The following TMEM116 variants were observed in gnomAD, a reference collection of about 807,000 sequenced individuals.
The protein encoded by TMEM116 is transmembrane protein 116.
In TMEM116, 38 loss-of-function variants were observed where a neutral mutation model predicts 44.3. The ratio of observed to expected loss-of-function variants is 0.86; its 90% CI spans 0.66 to 1.12. The LOEUF (loss-of-function observed/expected upper bound fraction) is 1.12, where lower values mean the gene tolerates loss of function less well. TMEM116 is among the 50% of genes most tolerant of loss of function. The pLI is 0.00. For synonymous variants in TMEM116, 132 were observed against 144.8 expected, an observed-to-expected ratio of 0.91 and a Z score of 0.64; for missense variants, 354 against 401.7, an observed-to-expected ratio of 0.88 and a Z score of 1.01.
At position 111,971,057 on chromosome 12, in the gene TMEM116, G is replaced by A. The variant is rs11066106; in HGVS notation, c.210+20701C>T. 0.055 allele frequency among the ~76,000 whole-genome samples: 8,428 copies of A among 152,114 alleles called. 1,296 individuals carry two copies. The East Asian group carries it at 0.61, about 11-fold the overall frequency. The stretch of plus-strand genomic sequence containing the variant: ...AAAATACTGAACTTCTGTCAACCTC[G>A]AATTCTATACCTAGCAAATATACTT... On this transcript the variant is annotated intron_variant, in intron 4 of 10. Transcript: ENST00000552374.
intron 1 of TMEM116, chr12:112,005,875 G>T (rs935197571): frequency 5.3e-6 from 5 of 939,702 alleles, no homozygotes; most frequent in Non-Finnish European, 6.3e-6. Context: ...AAAAGAGATT[G>T]TGAGTGAAAA....
chr12:111,942,721 A>C (rs2072938167), intron 5 of TMEM116, among the ~76,000 whole-genome samples: 1 of 152,140 alleles, frequency 6.6e-6, no homozygotes, highest in African/African-American at 2.4e-5. Context: ...ACCAGGCAGG[A>C]ATGCCAGCAC....
chr12:112,005,700 G>C, intron 1 of TMEM116: 1 of 985,178 alleles, frequency 1.0e-6, no homozygotes, highest in Non-Finnish European at 1.2e-6. Context: ...ATAAAAGGAA[G>C]AACAAAATGT....
intron 4 of TMEM116, among the ~76,000 whole-genome samples, chr12:111,969,088 C>CGGGG (rs746551511): frequency 3.3e-5 from 5 of 150,444 alleles, no homozygotes; most frequent in Admixed American, 6.6e-5. Flanking sequence ...TGGGAGGCCA[C>CGGGG]GGCGGGTGGA....
chr12:111,991,465 A>C (rs1430863176), intron 4 of TMEM116, among the ~76,000 whole-genome samples: 2 of 151,146 alleles, frequency 1.3e-5, no homozygotes, highest in Non-Finnish European at 2.9e-5. Flanking sequence ...CAGAGCTTGC[A>C]GTGAGCCGAG....
chr12:111,957,261 G>A (rs1044074776), intron 4 of TMEM116, among the ~76,000 whole-genome samples: 2 of 151,854 alleles, frequency 1.3e-5, no homozygotes, highest in Non-Finnish European at 2.9e-5. Flanking sequence ...GATGTGAAGA[G>A]TGCCTCTGCC....
intron 4 of TMEM116, among the ~76,000 whole-genome samples, chr12:111,990,147 T>A (rs1201094905): frequency 2.0e-5 from 3 of 151,384 alleles, no homozygotes; most frequent in African/African-American, 7.3e-5. Flanking sequence ...CCCAGCTACT[T>A]GAGAGGCTGA....
intron 4 of TMEM116, among the ~76,000 whole-genome samples, chr12:111,985,724 G>A (rs1218294793): frequency 6.6e-6 from 1 of 152,166 alleles, no homozygotes; most frequent in South Asian, 2.1e-4. Flanking sequence ...AGCCTCCAGA[G>A]TAGCTGGAAT....
chr12:112,012,480 T>C (rs2077887401), intron 1 of TMEM116: 2 of 152,330 alleles, frequency 1.3e-5, no homozygotes, highest in South Asian at 4.1e-4. Flanking sequence ...GGTTTCACCA[T>C]GTTGGCCAGG....
At chr12:111,978,069 C>T (rs1053653537) in intron 4 of TMEM116, among the ~76,000 whole-genome samples, 3 of 150,774 alleles carry the variant, frequency 2.0e-5, no homozygotes, top group African/African-American at 4.9e-5. Flanking sequence ...TCTAAATAAA[C>T]CCATAAAAAC....
At chr12:111,981,212 C>T (rs1040908754) in intron 4 of TMEM116, among the ~76,000 whole-genome samples, 6 of 152,088 alleles carry the variant, frequency 3.9e-5, no homozygotes, top group African/African-American at 9.7e-5. Flanking sequence ...CTTCCACTAA[C>T]GCAACAATTA....
chr12:111,974,436 G>A (rs1452295550), intron 4 of TMEM116, among the ~76,000 whole-genome samples: 1 of 151,986 alleles, frequency 6.6e-6, no homozygotes, highest in Non-Finnish European at 1.5e-5. Flanking sequence ...TGAGGTTTGA[G>A]GTCAGGAGTT....
intron 3 of TMEM116, among the ~76,000 whole-genome samples, chr12:111,998,403 A>C (rs990261442): frequency 2.6e-5 from 4 of 152,246 alleles, no homozygotes; most frequent in Non-Finnish European, 5.9e-5. Context: ...ACTCCAATTT[A>C]GTTGGGTATG....
chr12:111,995,351 G>C (rs2076874156), intron 3 of TMEM116, among the ~76,000 whole-genome samples: 1 of 152,104 alleles, frequency 6.6e-6, no homozygotes, highest in African/African-American at 2.4e-5. Flanking sequence ...GTGGAAAAGA[G>C]ACAGTCTTTT....
intron 4 of TMEM116, among the ~76,000 whole-genome samples, chr12:111,947,601 C>T (rs1355643146): frequency 2.6e-5 from 4 of 152,102 alleles, no homozygotes; most frequent in Admixed American, 2.6e-4. Flanking sequence ...ACAAAAATAA[C>T]CACATTTAAT....
intron 3 of TMEM116, among the ~76,000 whole-genome samples, chr12:111,999,500 C>A (rs976002523): frequency 2.6e-5 from 4 of 151,656 alleles, no homozygotes; most frequent in Non-Finnish European, 5.9e-5. Flanking sequence ...GGAGGCTGAG[C>A]CAGAATTGCT....
At chr12:111,954,373 G>A (rs2073944533) in intron 4 of TMEM116, among the ~76,000 whole-genome samples, 1 of 152,206 alleles carries the variant, frequency 6.6e-6, no homozygotes, top group Non-Finnish European at 1.5e-5. Flanking sequence ...CAGTAAGGAT[G>A]TGCAGGAATG....
intron 3 of TMEM116, chr12:111,993,910 T>C: frequency 1.4e-6 from 1 of 710,922 alleles, no homozygotes; most frequent in South Asian, 1.4e-5. Context: ...TAAAGGTGTA[T>C]GGAAGGGAAT....
chr12:111,995,493 C>A (rs892685119), intron 3 of TMEM116, among the ~76,000 whole-genome samples: 1 of 152,178 alleles, frequency 6.6e-6, no homozygotes, highest in Non-Finnish European at 1.5e-5. Flanking sequence ...TCTGTAATCT[C>A]TGCACTTTGG....
Sources: gnomAD v4.1 joint callset for allele counts (sites outside exome capture counted in the v4.1 genomes callset) on GRCh38, gnomAD v4.1.1 for gene constraint, MANE v1.5 for transcripts, NCBI Gene and HGNC (gene_info 2026-07-23, HGNC 2026-07-21) for gene names.